Variants in B3GALT5 observed in about 807,000 individuals in gnomAD.
B3GALT5 encodes the protein UDP-Gal:betaGlcNAc beta 1,3-galactosyltransferase, polypeptide 5.
For missense variants in B3GALT5, 328 were observed against 396.6 expected (o/e 0.83, Z 1.47); for synonymous variants, 156 against 158.6 (o/e 0.98, Z 0.12).
At chr21:39,633,606 A>G (rs931882409) in intron 1 of B3GALT5, among the ~76,000 whole-genome samples, 4 of 152,218 alleles carry the variant, frequency 2.6e-5, no homozygotes, top group African/African-American at 7.2e-5. Flanking sequence ...AAACCCTTGT[A>G]TCCCCATGGA....
intron 1 of B3GALT5, among the ~76,000 whole-genome samples, chr21:39,615,986 A>G (rs1313173632): frequency 2.0e-5 from 3 of 152,242 alleles, no homozygotes; most frequent in Admixed American, 6.5e-5. Flanking sequence ...ATTCCCAAAA[A>G]GTTGTGAGAA....
intron 1 of B3GALT5, among the ~76,000 whole-genome samples, chr21:39,623,644 T>C (rs1038199457): frequency 6.6e-6 from 1 of 152,148 alleles, no homozygotes; most frequent in African/African-American, 2.4e-5. Flanking sequence ...CTTCTATATG[T>C]ATTATTGGTC....
intron 2 of B3GALT5, among the ~76,000 whole-genome samples, chr21:39,649,200 C>T (rs759189766): frequency 6.6e-6 from 1 of 152,202 alleles, no homozygotes; most frequent in Non-Finnish European, 1.5e-5. Context: ...CCCTGCTGGA[C>T]TCTAGACTCA....
intron 1 of B3GALT5, among the ~76,000 whole-genome samples, chr21:39,617,645 C>T (rs613552): frequency 0.062 from 9,506 of 152,292 alleles, 406 homozygotes; most frequent in South Asian, 0.13. Context: ...GGACACAGAG[C>T]TAAACCATAT....
At chr21:39,649,730 A>G (rs1040803267) in intron 2 of B3GALT5, among the ~76,000 whole-genome samples, 6 of 152,082 alleles carry the variant, frequency 3.9e-5, no homozygotes, top group Non-Finnish European at 8.8e-5. Flanking sequence ...AGGGTGGGGG[A>G]CGAGGAACCG....
At chr21:39,650,787 A>G (rs908060279) in intron 2 of B3GALT5, among the ~76,000 whole-genome samples, 1 of 151,978 alleles carries the variant, frequency 6.6e-6, no homozygotes, top group African/African-American at 2.4e-5. Flanking sequence ...TGTTTTGCTT[A>G]GTAGAAAAAA....
chr21:39,644,817 T>C (rs184290481), intron 1 of B3GALT5, among the ~76,000 whole-genome samples: 194 of 152,226 alleles, frequency 1.3e-3, no homozygotes, highest in Admixed American at 2.7e-3. Context: ...TTGCTAAGAT[T>C]ATCCAGGAGT....
rs1358572379 is a variant in B3GALT5 at position 39,663,580 on chromosome 21, G to A, written c.*2088G>A. The A allele has an allele frequency of 1.3e-5, 2 of 151,922 alleles. No individual in the cohort carries two copies. Among genetic ancestry groups the A allele is most frequent in the East Asian group, 3.9e-4 (2 of 5,168 alleles). 9.4% of individuals were successfully genotyped at this position (151,922 alleles called of 1,614,324 possible). A position where few individuals can be genotyped will look rare whatever the true frequency, so the allele number is the denominator to read the frequency against. ...CTTGAACTCAACGAGCCTCAAACGA[G>A]CCTCCTGCCTCAGCCAGTGGGTAGT... On this transcript the variant is annotated 3_prime_UTR_variant, in exon 4 of 4. Coordinates refer to ENST00000684187, the MANE Select transcript of B3GALT5 (RefSeq NM_001356336.2).
At chr21:39,656,993 A>G (rs1285039788) in intron 2 of B3GALT5, among the ~76,000 whole-genome samples, 1 of 152,212 alleles carries the variant, frequency 6.6e-6, no homozygotes, top group African/African-American at 2.4e-5. Flanking sequence ...ACCTAGGCAG[A>G]GGGCGGGAGC....
chr21:39,666,853 T>G lies in B3GALT5; in HGVS notation c.*5361T>G, dbSNP rs567288012. On this transcript the variant is annotated 3_prime_UTR_variant, in exon 4 of 4. Coordinates refer to ENST00000684187, the MANE Select transcript of B3GALT5 (RefSeq NM_001356336.2). ...GCCCCATATCCCACGCCCGCTGTGC[T>G]AACCTCTGGCTTGCCGCCCACACCT... The G allele has an allele frequency of 6.6e-6, 1 of 152,296 alleles. No individual in the cohort carries two copies. The highest frequency in any genetic ancestry group is 1.9e-4 in the East Asian group (1 of 5,198). The allele number at this position is 152,296 out of a possible 1,614,324, so 9.4% of individuals were successfully genotyped here.
chr21:39,633,159 A>G (rs1282906548), intron 1 of B3GALT5, among the ~76,000 whole-genome samples: 3 of 152,128 alleles, frequency 2.0e-5, no homozygotes, highest in African/African-American at 7.2e-5. Flanking sequence ...AAGAGGATGT[A>G]GACAGGTAGT....
intron 1 of B3GALT5, among the ~76,000 whole-genome samples, chr21:39,616,884 C>G (rs1259169309): frequency 1.3e-5 from 2 of 152,270 alleles, no homozygotes; most frequent in South Asian, 2.1e-4. Context: ...GGATTGCCCC[C>G]AAATTCAGGA....
chr21:39,656,838 C>T (rs997158698), intron 2 of B3GALT5, among the ~76,000 whole-genome samples: 9 of 152,226 alleles, frequency 5.9e-5, no homozygotes, highest in Admixed American at 5.2e-4. Context: ...ATCCTGACGG[C>T]TCTAGCTTTG....
chr21:39,615,220 T>C (rs1171122621), intron 1 of B3GALT5, among the ~76,000 whole-genome samples: 1 of 152,214 alleles, frequency 6.6e-6, no homozygotes, highest in Non-Finnish European at 1.5e-5. Context: ...GGCCTGAGGA[T>C]AGGGTTCCAT....
rs2079628921 is a variant in B3GALT5, at chr21:39,671,583, T to C, written c.*10091T>C. ...AAACATCAGTTCCTGAAGCCTCTTT[T>C]ATTCATTATTGTTGGGACTTGTTTT... On this transcript the variant is annotated 3_prime_UTR_variant, in exon 4 of 4. Coordinates refer to ENST00000684187, the MANE Select transcript of B3GALT5 (RefSeq NM_001356336.2). 6.6e-6 allele frequency: 1 copy of C among 152,246 alleles called. No homozygotes were observed. The highest frequency in any genetic ancestry group is 2.4e-5 in the African/African-American group (1 of 41,470). The allele number at this position is 152,246 out of a possible 1,614,324, so 9.4% of individuals were successfully genotyped here. A position where few individuals can be genotyped will look rare whatever the true frequency, so the allele number is the denominator to read the frequency against.
Position 39,664,567 on chromosome 21 carries a change from C to T in B3GALT5, c.*3075C>T, listed in dbSNP as rs1306880982. On this transcript the variant is annotated 3_prime_UTR_variant, in exon 4 of 4. Coordinates refer to ENST00000684187, the MANE Select transcript of B3GALT5 (RefSeq NM_001356336.2). ...CCCTTCCCTGACCCCCTTCCCCGTC[C>T]CGCTGCCCCATCCTGTTGCGTTTCT... The T allele has an allele frequency of 6.6e-6, 1 of 152,412 alleles. No homozygotes were observed. Among genetic ancestry groups the T allele is most frequent in the African/African-American group, 2.4e-5 (1 of 41,404 alleles). 9.4% of individuals were successfully genotyped at this position (152,412 alleles called of 1,614,324 possible). A position where few individuals can be genotyped will look rare whatever the true frequency, so the allele number is the denominator to read the frequency against.
intron 1 of B3GALT5, among the ~76,000 whole-genome samples, chr21:39,632,228 G>T (rs2079196750): frequency 6.6e-6 from 1 of 152,284 alleles, no homozygotes; most frequent in South Asian, 2.1e-4. Context: ...ACCCTTTATG[G>T]TGATTCTGCA....
At chr21:39,619,882 A>G (rs1174225821) in intron 1 of B3GALT5, among the ~76,000 whole-genome samples, 1 of 152,010 alleles carries the variant, frequency 6.6e-6, no homozygotes, top group Non-Finnish European at 1.5e-5. Context: ...ATTTCGTCTC[A>G]CTGCAACCTC....
rs934482652 is a variant in B3GALT5, at chr21:39,663,587, G to A, written c.*2095G>A. The A allele has an allele frequency of 6.6e-6, 1 of 152,006 alleles. No homozygotes were observed. The highest frequency in any genetic ancestry group is 2.4e-5 in the African/African-American group (1 of 41,374). The allele number at this position is 152,006 out of a possible 1,614,324, so 9.4% of individuals were successfully genotyped here. A position where few individuals can be genotyped will look rare whatever the true frequency, so the allele number is the denominator to read the frequency against. ...TCAACGAGCCTCAAACGAGCCTCCT[G>A]CCTCAGCCAGTGGGTAGTTGGGATT... On this transcript the variant is annotated 3_prime_UTR_variant, in exon 4 of 4. Transcript: ENST00000684187.
Sources: gnomAD v4.1 joint callset for allele counts (sites outside exome capture counted in the v4.1 genomes callset) on GRCh38, gnomAD v4.1.1 for gene constraint, MANE v1.5 for transcripts, NCBI Gene and HGNC (gene_info 2026-07-23, HGNC 2026-07-21) for gene names.